ZNF536: variants seen among roughly 807,000 people sequenced by gnomAD.
ZNF536 encodes the protein zinc finger protein 536.
ZNF536 carries 13 observed loss-of-function variants against 84.5 expected under a neutral mutation model. The ratio of observed to expected loss-of-function variants is 0.15; its 90% CI spans 0.10 to 0.24. The LOEUF (loss-of-function observed/expected upper bound fraction) is 0.24. ZNF536 is among the 10% of genes least tolerant of loss of function. The probability of loss-of-function intolerance (pLI) is 1.00; values close to 1 mark genes in which losing one functional copy is unlikely to be tolerated. For missense variants in ZNF536, 1,536 were observed against 1,747.5 expected (o/e 0.88, Z 2.16); for synonymous variants, 811 against 742.5 (o/e 1.09, Z -1.50).
chr19:30,597,977 ATGT>A (rs1363827656), intron 1 of ZNF536, among the ~76,000 whole-genome samples: 1 of 152,126 alleles, frequency 6.6e-6, no homozygotes, highest in Non-Finnish European at 1.5e-5. Flanking sequence ...TGTTGCATGC[ATGT>A]TGTTATTATT....
At chr19:30,389,361 C>T (rs2049483330) in intron 1 of ZNF536, among the ~76,000 whole-genome samples, 1 of 152,160 alleles carries the variant, frequency 6.6e-6, no homozygotes, top group Non-Finnish European at 1.5e-5. Flanking sequence ...CTTGAAAAAT[C>T]TAGCGACCAT....
In ZNF536 at chr19:30,704,015, G is replaced by A. The variant is rs548283571; in HGVS notation, c.170-6742G>A. ...CCTCAGTCCACTGGGGAGAAGGAGT[G>A]CCCTGAAAGTAAAGCAAAGGTGCCA... On this transcript the variant is annotated intron_variant, in intron 1 of 1. Coordinates refer to the ZNF536 transcript ENST00000592773. Among the ~76,000 whole-genome samples, 4 of 152,292 alleles carry A rather than the reference G, an allele frequency of 2.6e-5. No homozygotes were observed. In the East Asian group the frequency reaches 7.7e-4, roughly 30 times the overall value.
intron 1 of ZNF536, among the ~76,000 whole-genome samples, chr19:30,580,611 G>A (rs746666521): frequency 6.6e-6 from 1 of 152,188 alleles, no homozygotes; most frequent in East Asian, 1.9e-4. Context: ...AGGAGGCTGA[G>A]GAGCTGCTGT....
At chr19:30,476,957 GTT>G (rs530853543) in intron 2 of ZNF536, among the ~76,000 whole-genome samples, 1 of 147,454 alleles carries the variant, frequency 6.8e-6, no homozygotes, top group Non-Finnish European at 1.5e-5. Context: ...TACTTGCTGG[GTT>G]TTTTTTTTTA....
intron 2 of ZNF536, among the ~76,000 whole-genome samples, chr19:30,451,535 G>A (rs1311704599): frequency 6.6e-6 from 1 of 152,202 alleles, no homozygotes; most frequent in Non-Finnish European, 1.5e-5. Context: ...TGGCATTTCA[G>A]AAAGAGGGTA....
At chr19:30,587,827 C>G (rs1257168890) in intron 1 of ZNF536, among the ~76,000 whole-genome samples, 1 of 152,254 alleles carries the variant, frequency 6.6e-6, no homozygotes, top group Non-Finnish European at 1.5e-5. Context: ...CAAACCCTTT[C>G]TGACCTGCTT....
chr19:30,594,589 A>G (rs1294640417), intron 1 of ZNF536, among the ~76,000 whole-genome samples: 1 of 152,114 alleles, frequency 6.6e-6, no homozygotes, highest in Non-Finnish European at 1.5e-5. Context: ...TGCCTTGACC[A>G]GATCATTAGG....
At chr19:30,292,471 C>T (rs2045874557) in intron 2 of ZNF536, among the ~76,000 whole-genome samples, 1 of 151,988 alleles carries the variant, frequency 6.6e-6, no homozygotes, top group Non-Finnish European at 1.5e-5. Flanking sequence ...GTAGCTGGGA[C>T]TACAGGCATG....
intron 1 of ZNF536, among the ~76,000 whole-genome samples, chr19:30,643,267 T>C (rs2049331890): frequency 6.6e-6 from 1 of 152,156 alleles, no homozygotes; most frequent in Admixed American, 6.5e-5. Flanking sequence ...CTTTGCAAGT[T>C]ACTTAATTTG....
At chr19:30,397,051 A>T (rs1027445448) in intron 1 of ZNF536, among the ~76,000 whole-genome samples, 1 of 152,158 alleles carries the variant, frequency 6.6e-6, no homozygotes, top group African/African-American at 2.4e-5. Context: ...TATGGCTGCA[A>T]ACCTGGGCAC....
intron 2 of ZNF536, among the ~76,000 whole-genome samples, chr19:30,449,614 G>T (rs979778924): frequency 2.6e-5 from 4 of 152,166 alleles, no homozygotes; most frequent in African/African-American, 9.7e-5. Context: ...TGGTGGGAAG[G>T]GGGTAATTGA....
intron 1 of ZNF536, among the ~76,000 whole-genome samples, chr19:30,617,333 CTTTTTTT>C (rs556835599): frequency 2.2e-3 from 83 of 37,692 alleles, no homozygotes; most frequent in Middle Eastern, 0.031. Flanking sequence ...GAATAGCTTA[CTTTTTTT>C]TTTTTTTTTT....
chr19:30,628,325 G>C (rs182857608), intron 1 of ZNF536, among the ~76,000 whole-genome samples: 7 of 152,168 alleles, frequency 4.6e-5, no homozygotes, highest in Admixed American at 2.0e-4. Flanking sequence ...CCTCCTGACT[G>C]CTCCTTCAAC....
intron 2 of ZNF536, among the ~76,000 whole-genome samples, chr19:30,335,869 C>G (rs1042447285): frequency 2.6e-5 from 4 of 152,190 alleles, no homozygotes; most frequent in Admixed American, 6.5e-5. Flanking sequence ...CACCAAGAAC[C>G]AGCAGGTGGA....
intron 1 of ZNF536, among the ~76,000 whole-genome samples, chr19:30,617,455 A>G (rs990871683): frequency 7.0e-6 from 1 of 143,418 alleles, no homozygotes; most frequent in Non-Finnish European, 1.5e-5. Context: ...GGTTCACACC[A>G]TTCTCCTGCC....
intron 2 of ZNF536, among the ~76,000 whole-genome samples, chr19:30,326,949 A>C (rs1052953247): frequency 1.3e-5 from 2 of 151,734 alleles, no homozygotes; most frequent in African/African-American, 4.8e-5. Flanking sequence ...CTCTACAAAA[A>C]ATTAAAAAGT....
At chr19:30,606,291 T>TAAAATA (rs112144534) in intron 1 of ZNF536, among the ~76,000 whole-genome samples, 2,263 of 55,738 alleles carry the variant, frequency 0.041, 80 homozygotes, top group Middle Eastern at 0.093. Flanking sequence ...TAAAATAAAA[T>TAAAATA]AAATAAAATA....
intron 1 of ZNF536, among the ~76,000 whole-genome samples, chr19:30,608,771 C>G (rs938311438): frequency 1.3e-5 from 2 of 152,142 alleles, no homozygotes; most frequent in Non-Finnish European, 2.9e-5. Flanking sequence ...GTGGAAATCT[C>G]CTGTGATTCT....
At chr19:30,352,622 C>A (rs2047967227) in intron 3 of ZNF536, 1 of 152,130 alleles carries the variant, frequency 6.6e-6, no homozygotes, top group Non-Finnish European at 1.5e-5. Flanking sequence ...TTCCTTGTAC[C>A]CTCTCCCCAA....
Sources: gnomAD v4.1 joint callset for allele counts (sites outside exome capture counted in the v4.1 genomes callset) on GRCh38, gnomAD v4.1.1 for gene constraint, MANE v1.5 for transcripts, NCBI Gene and HGNC (gene_info 2026-07-23, HGNC 2026-07-21) for gene names.